Variants in RGL1 observed in about 807,000 individuals in gnomAD.
The protein encoded by RGL1 is ral guanine nucleotide dissociation stimulator-like 1.
Under a neutral mutation model 95.2 loss-of-function variants are expected in RGL1, and 24 were observed. The ratio of observed to expected loss-of-function variants is 0.25; its 90% CI spans 0.18 to 0.35. The LOEUF is 0.35. Among genes scored for constraint, RGL1 ranks in the 10% least tolerant of loss-of-function variants. The pLI, the probability that RGL1 is intolerant of heterozygous loss-of-function variation, is 1.00. For missense variants in RGL1, 715 were observed against 936.3 expected (o/e 0.76, Z 3.08); for synonymous variants, 329 against 344.9 (o/e 0.95, Z 0.51).
chr1:183,667,660 G>T (rs1462242348), intron 1 of RGL1, among the ~76,000 whole-genome samples: 1 of 152,086 alleles, frequency 6.6e-6, no homozygotes, highest in African/African-American at 2.4e-5. Context: ...ATTGGTATTT[G>T]GATTAATATC....
intron 1 of RGL1, chr1:183,647,661 CTGTAGGAA>C: frequency 1.3e-6 from 2 of 1,574,692 alleles, no homozygotes; most frequent in Non-Finnish European, 1.7e-6. Context: ...TGGTTTCATG[CTGTAGGAA>C]TGTAGATTTT....
At chr1:183,788,151 A>G (rs1157998092) in intron 2 of RGL1, among the ~76,000 whole-genome samples, 1 of 152,246 alleles carries the variant, frequency 6.6e-6, no homozygotes, top group African/African-American at 2.4e-5. Context: ...CAGATACAGA[A>G]ATAATAGGAA....
At chr1:183,650,708 A>T (rs954294258) in intron 1 of RGL1, among the ~76,000 whole-genome samples, 9 of 144,636 alleles carry the variant, frequency 6.2e-5, no homozygotes, top group Admixed American at 2.1e-4. Context: ...AAAGAATCAG[A>T]TTTTTTTTTT....
chr1:183,909,052 G>A (rs1417033770), intron 14 of RGL1, among the ~76,000 whole-genome samples: 1 of 152,216 alleles, frequency 6.6e-6, no homozygotes, highest in Non-Finnish European at 1.5e-5. Flanking sequence ...CCTTCACAAA[G>A]TGTGGTAGGT....
intron 2 of RGL1, among the ~76,000 whole-genome samples, chr1:183,775,401 T>C (rs1379023476): frequency 6.6e-6 from 1 of 152,230 alleles, no homozygotes; most frequent in Non-Finnish European, 1.5e-5. Context: ...TCTGCACACT[T>C]ATGAGATAGT....
Position 183,746,292 on chromosome 1 carries a change from A to G in RGL1, c.132+4003A>G, listed in dbSNP as rs1657620762. On this transcript the variant is annotated intron_variant, in intron 2 of 18. Coordinates refer to the RGL1 transcript ENST00000304685. ...TAAAAAGTCTTTACTGCATATGTGT[A>G]TCCTCAAACAATACTGTTGAGTTAT... 3.3e-5 allele frequency among the ~76,000 whole-genome samples: 5 copies of G among 152,230 alleles called. No homozygotes were observed. In the South Asian group the frequency reaches 1.0e-3, roughly 32 times the overall value.
At chr1:183,858,578 T>G (rs1041101135) in intron 3 of RGL1, among the ~76,000 whole-genome samples, 2 of 152,202 alleles carry the variant, frequency 1.3e-5, no homozygotes, top group Admixed American at 6.5e-5. Flanking sequence ...TTCATTCAGG[T>G]AAATTTAATG....
chr1:183,909,127 G>A (rs1030017938), intron 14 of RGL1, among the ~76,000 whole-genome samples: 2 of 152,164 alleles, frequency 1.3e-5, no homozygotes, highest in Non-Finnish European at 2.9e-5. Context: ...AGTTGAGTTT[G>A]GGCATCTATT....
At chr1:183,922,411 T>C (rs1669362035) in intron 17 of RGL1, 75 bp downstream of exon 17, 5 of 1,081,654 alleles carry the variant, frequency 4.6e-6, no homozygotes, top group Admixed American at 1.9e-5. Context: ...GCTCCGCGTT[T>C]AGAAGGCAGA....
At chr1:183,835,560 A>G (rs962348712) in intron 2 of RGL1, among the ~76,000 whole-genome samples, 2 of 152,030 alleles carry the variant, frequency 1.3e-5, no homozygotes, top group Non-Finnish European at 1.5e-5. Context: ...GACTAAATTT[A>G]CTCATTTAAG....
chr1:183,799,771 A>C lies in RGL1; in HGVS notation c.133-6604A>C, dbSNP rs1381803688. Among the ~76,000 whole-genome samples the C allele has an allele frequency of 3.3e-5, 5 of 152,348 alleles. No homozygotes were observed. In the East Asian group the frequency reaches 9.6e-4, roughly 29 times the overall value. On this transcript the variant is annotated intron_variant, in intron 2 of 18. Transcript: ENST00000304685. ...ATACTTATTTCGAAGTACAGTGTCC[A>C]TTATACTTTCACTGTCCTTACTTTT...
At chr1:183,766,483 G>T (rs1490829848) in intron 2 of RGL1, among the ~76,000 whole-genome samples, 1 of 151,926 alleles carries the variant, frequency 6.6e-6, no homozygotes, top group African/African-American at 2.4e-5. Context: ...TTAAAACTTT[G>T]TACCCATATC....
chr1:183,854,722 G>C (rs1665030222), intron 3 of RGL1, among the ~76,000 whole-genome samples: 1 of 152,066 alleles, frequency 6.6e-6, no homozygotes, highest in South Asian at 2.1e-4. Context: ...CATGGGCTTA[G>C]GAGTCAGAAA....
chr1:183,842,306 C>T lies in RGL1; in HGVS notation c.139-5260C>T, dbSNP rs1262566469. Among the ~76,000 whole-genome samples the T allele has an allele frequency of 6.7e-5, 10 of 148,272 alleles. No individual in the cohort carries two copies. In the South Asian group the frequency reaches 2.1e-3, roughly 32 times the overall value. ...CGTTCCCTGTTAAACTATCAGATGA[C>T]TGAATTATTATTTTGATTGAAGGGA... is the stretch of plus-strand genomic sequence containing the variant. On this transcript the variant is annotated intron_variant, in intron 2 of 17. Coordinates refer to ENST00000360851, the MANE Select transcript of RGL1 (RefSeq NM_001297671.3).
chr1:183,854,156 G>A (rs1030149897), intron 3 of RGL1, among the ~76,000 whole-genome samples: 1 of 152,152 alleles, frequency 6.6e-6, no homozygotes, highest in African/African-American at 2.4e-5. Flanking sequence ...GGAGATAAAA[G>A]GTTCTATAAC....
At chr1:183,820,092 T>G (rs993319688) in intron 2 of RGL1, among the ~76,000 whole-genome samples, 1 of 152,112 alleles carries the variant, frequency 6.6e-6, no homozygotes, top group Non-Finnish European at 1.5e-5. Flanking sequence ...TAGCCCATTT[T>G]GTTTTGTTTC....
chr1:183,815,794 A>G (rs1251579832), intron 2 of RGL1, among the ~76,000 whole-genome samples: 1 of 152,126 alleles, frequency 6.6e-6, no homozygotes, highest in East Asian at 1.9e-4. Flanking sequence ...TTATGTATGT[A>G]AGGTGCTAGG....
intron 1 of RGL1, among the ~76,000 whole-genome samples, chr1:183,669,318 A>G (rs1240574121): frequency 6.6e-6 from 1 of 151,956 alleles, no homozygotes; most frequent in Non-Finnish European, 1.5e-5. Context: ...TTTCTCTTAC[A>G]CTATATTTTT....
At chr1:183,650,537 T>A (rs964897133) in intron 1 of RGL1, among the ~76,000 whole-genome samples, 1 of 152,178 alleles carries the variant, frequency 6.6e-6, no homozygotes, top group Non-Finnish European at 1.5e-5. Flanking sequence ...AGCGAGACTC[T>A]GTCTCAAAAC....
Sources: gnomAD v4.1 joint callset for allele counts (sites outside exome capture counted in the v4.1 genomes callset) on GRCh38, gnomAD v4.1.1 for gene constraint, MANE v1.5 for transcripts, NCBI Gene and HGNC (gene_info 2026-07-23, HGNC 2026-07-21) for gene names.